Variants in ZNF487 observed in about 807,000 individuals in gnomAD.
ZNF487 encodes the protein KRAB domain only 1.
A neutral mutation model predicts 3.0 loss-of-function variants in ZNF487; 4 were observed. The ratio of observed to expected loss-of-function variants is 1.35; its 90% CI spans 0.66 to 3.08. The LOEUF (loss-of-function observed/expected upper bound fraction) is 3.08. ZNF487 is among the 30% of genes most tolerant of loss of function. ZNF487 has a pLI of 0.01. For missense variants in ZNF487, 146 were observed against 98.7 expected, an observed-to-expected ratio of 1.48 and a Z score of -2.03; for synonymous variants, 55 against 34.6, an observed-to-expected ratio of 1.59 and a Z score of -2.06.
chr10:43,505,256 T>G, the ZNF487 span, among the ~76,000 whole-genome samples: 4 of 149,244 alleles, frequency 2.7e-5, no homozygotes, highest in Non-Finnish European at 5.9e-5. Context: ...TATATAGCTC[T>G]GTCCCCCTTA....
the ZNF487 span, among the ~76,000 whole-genome samples, chr10:43,499,974 C>T: frequency 6.6e-6 from 1 of 152,128 alleles, no homozygotes; most frequent in Non-Finnish European, 1.5e-5. Context: ...ACCTCCGCCT[C>T]CCAGGTTCAA....
At chr10:43,466,181 A>AGAGAGG (rs1840697238) in intron 1 of ZNF487, among the ~76,000 whole-genome samples, 1 of 135,388 alleles carries the variant, frequency 7.4e-6, no homozygotes, top group Non-Finnish European at 1.6e-5. Flanking sequence ...GACCGTGGAA[A>AGAGAGG]GAGAGGGAGA....
chr10:43,497,981 A>AAGATAT, the ZNF487 span, among the ~76,000 whole-genome samples: 1 of 33,230 alleles, frequency 3.0e-5, no homozygotes, highest in African/African-American at 1.4e-4. Flanking sequence ...AAAAAGAAAA[A>AAGATAT]AGATATATAT....
In ZNF487 at chr10:43,443,631, C is replaced by T. The variant is rs1839698292; in HGVS notation, c.-94+6369C>T. Among the ~76,000 whole-genome samples the T allele has an allele frequency of 2.0e-5, 3 of 151,912 alleles. No homozygotes were observed. The South Asian group carries it at 6.2e-4, about 32-fold the overall frequency. On this transcript the variant is annotated intron_variant, in intron 1 of 3. Transcript: ENST00000437590. ...TCAGGTAATCCACCTGCCTCAGCCT[C>T]CCAAAGTGCTGGGATTACAGGAGTG...
the ZNF487 span, among the ~76,000 whole-genome samples, chr10:43,499,937 G>A: frequency 6.6e-6 from 1 of 152,022 alleles, no homozygotes; most frequent in Non-Finnish European, 1.5e-5. Context: ...ATGCTGGAGT[G>A]CAATGGTGCG....
the ZNF487 span, among the ~76,000 whole-genome samples, chr10:43,512,281 G>T: frequency 4.6e-5 from 7 of 152,210 alleles, no homozygotes; most frequent in South Asian, 1.4e-3. Context: ...GGTGGCAGGA[G>T]TGGAGACCAT....
At chr10:43,479,855 C>T (rs191664861) in intron 3 of ZNF487, among the ~76,000 whole-genome samples, 114 of 152,046 alleles carry the variant, frequency 7.5e-4, no homozygotes, top group African/African-American at 1.6e-3. Context: ...CGGGGTTTGC[C>T]GTGTTGGCAA....
the ZNF487 span, among the ~76,000 whole-genome samples, chr10:43,506,131 A>G: frequency 6.6e-6 from 1 of 152,124 alleles, no homozygotes; most frequent in Admixed American, 6.6e-5. Context: ...TGTCAGGAAC[A>G]TTTACTCATG....
At chr10:43,518,053 A>G in the ZNF487 span, among the ~76,000 whole-genome samples, 34 of 152,216 alleles carry the variant, frequency 2.2e-4, no homozygotes, top group African/African-American at 8.2e-4. Flanking sequence ...CTCTCACTAC[A>G]TTTTTAGGCC....
At chr10:43,474,585 T>C (rs1014824608) in intron 1 of ZNF487, among the ~76,000 whole-genome samples, 7 of 151,766 alleles carry the variant, frequency 4.6e-5, no homozygotes, top group Non-Finnish European at 8.8e-5. Context: ...GAAAAATGAT[T>C]TATTATTTAT....
chr10:43,517,740 A>T, the ZNF487 span, among the ~76,000 whole-genome samples: 4 of 152,194 alleles, frequency 2.6e-5, no homozygotes, highest in African/African-American at 7.2e-5. Context: ...AACCTCCTTG[A>T]TGTAGGATGG....
intron 1 of ZNF487, among the ~76,000 whole-genome samples, chr10:43,451,732 A>C (rs1417766800): frequency 1.3e-5 from 2 of 151,190 alleles, no homozygotes; most frequent in South Asian, 2.1e-4. Context: ...CGCCTGGCTA[A>C]TTTTGTATTT....
intron 1 of ZNF487, among the ~76,000 whole-genome samples, chr10:43,470,887 A>G (rs557495564): frequency 6.6e-6 from 1 of 151,822 alleles, no homozygotes. Flanking sequence ...TGGCACGATC[A>G]TAGCTCACTG....
chr10:43,444,975 C>T (rs983598261), intron 1 of ZNF487, among the ~76,000 whole-genome samples: 8 of 152,070 alleles, frequency 5.3e-5, no homozygotes, highest in Admixed American at 4.6e-4. Context: ...TTATGTATAT[C>T]TTAGGCTGCT....
intron 1 of ZNF487, among the ~76,000 whole-genome samples, chr10:43,447,002 G>A (rs1370616719): frequency 6.6e-6 from 1 of 151,990 alleles, no homozygotes; most frequent in Non-Finnish European, 1.5e-5. Context: ...GACCAGCCTG[G>A]CCAACACGGC....
chr10:43,488,550 A>C, the ZNF487 span, among the ~76,000 whole-genome samples: 2 of 152,222 alleles, frequency 1.3e-5, no homozygotes, highest in Non-Finnish European at 2.9e-5. Flanking sequence ...ATAAAACAAA[A>C]ATATAAACAG....
In ZNF487 at chr10:43,482,490, A is replaced by G; in HGVS notation, c.*568A>G. On this transcript the variant is annotated 3_prime_UTR_variant, in exon 4 of 4. Coordinates refer to ENST00000437590, the MANE Select transcript of ZNF487 (RefSeq NM_001355444.3). ...CATCAAAGAACACACACGGGACAAA[A>G]CCTATGAATGTAATGAATGTGGAAA... 2.1e-6 allele frequency: 1 copy of G among 473,434 alleles called. No individual in the cohort carries two copies. The highest frequency in any genetic ancestry group is 2.0e-5 in the African/African-American group (1 of 50,346). 29.3% of individuals were successfully genotyped at this position (473,434 alleles called of 1,614,324 possible).
intron 1 of ZNF487, among the ~76,000 whole-genome samples, chr10:43,469,072 A>G (rs1256558491): frequency 6.6e-6 from 1 of 152,046 alleles, no homozygotes; most frequent in Non-Finnish European, 1.5e-5. Flanking sequence ...TTATTTTAAG[A>G]AATTGCACAG....
chr10:43,457,276 A>C (rs1449631049), intron 1 of ZNF487, among the ~76,000 whole-genome samples: 1 of 150,538 alleles, frequency 6.6e-6, no homozygotes, highest in African/African-American at 2.4e-5. Flanking sequence ...CAAAACAAAA[A>C]CCCTAGCGCG....
Sources: allele counts gnomAD v4.1 joint callset (sites outside exome capture counted in the v4.1 genomes callset), GRCh38; gene constraint gnomAD v4.1.1; transcripts MANE v1.5; gene names NCBI Gene and HGNC (gene_info 2026-07-23, HGNC 2026-07-21).